CEP192: variants seen among roughly 807,000 people sequenced by gnomAD.
CEP192 encodes centrosomal protein 192.
Under a neutral mutation model 271.8 loss-of-function variants are expected in CEP192, and 151 were observed. That is an observed-to-expected ratio of 0.56 (90% CI 0.49 to 0.64). CEP192 has a LOEUF of 0.64. CEP192 is among the 30% of genes least tolerant of loss of function. The pLI is 0.00. For synonymous variants in CEP192, 995 were observed against 1,076.5 expected (o/e 0.92, Z 1.48); for missense variants, 2,910 against 3,020.5 (o/e 0.96, Z 0.86).
intron 39 of CEP192, chr18:13,103,967 G>C: frequency 4.7e-6 from 2 of 424,786 alleles, no homozygotes; most frequent in Non-Finnish European, 9.4e-6. Context: ...TGGGATTACA[G>C]GTGTGAGCTG....
At chr18:13,100,623 G>C in intron 38 of CEP192, 111 bp downstream of exon 38, 1 of 801,198 alleles carries the variant, frequency 1.2e-6, no homozygotes, top group Non-Finnish European at 2.0e-6. Flanking sequence ...TACTTCAGGA[G>C]AAAAGTGGTC....
chr18:12,993,549 C>A (rs1180132329), intron 1 of CEP192, among the ~76,000 whole-genome samples: 1 of 152,184 alleles, frequency 6.6e-6, no homozygotes, highest in Non-Finnish European at 1.5e-5. Flanking sequence ...CATGCATGGT[C>A]ATAGCTCACT....
At chr18:13,007,651 C>G in intron 3 of CEP192, among the ~76,000 whole-genome samples, 1 of 152,142 alleles carries the variant, frequency 6.6e-6, no homozygotes. Context: ...CCCATGAGTG[C>G]ACCTTTGGCT....
At chr18:13,051,229 C>T (rs1413851213) in intron 17 of CEP192, among the ~76,000 whole-genome samples, 1 of 152,146 alleles carries the variant, frequency 6.6e-6, no homozygotes, top group Admixed American at 6.5e-5. Flanking sequence ...TGTGTTCTTG[C>T]AGTTCAGTTT....
In CEP192 at chr18:13,116,237, G is replaced by A. The variant is rs547073115; in HGVS notation, c.7290-140G>A. Reference sequence around the variant, plus strand: ...CCTCTTCACATAAATTAGATAAGTCGTCATTACAAAACTTATATTTGAAAA... The same window carrying A: ...CCTCTTCACATAAATTAGATAAGTCATCATTACAAAACTTATATTTGAAAA... On this transcript the variant is annotated intron_variant, in intron 42 of 44. Coordinates refer to ENST00000506447, the MANE Select transcript of CEP192 (RefSeq NM_032142.4). 1.5e-4 allele frequency: 128 copies of A among 831,694 alleles called. No homozygotes were observed. The African/African-American group carries it at 1.7e-3, about 11-fold the overall frequency. The allele number at this position is 831,694 out of a possible 1,614,324, so 51.5% of individuals were successfully genotyped here.
chr18:13,047,521 T>C (rs2036549015), intron 15 of CEP192, among the ~76,000 whole-genome samples: 1 of 152,230 alleles, frequency 6.6e-6, no homozygotes, highest in Non-Finnish European at 1.5e-5. Context: ...CTTACCTCTC[T>C]GGGTTACTTT....
rs1474253153 is a variant in CEP192 at position 13,029,786 on chromosome 18, CAG to C, written c.1175_1176del (p.Gln392ArgfsTer9). On this transcript the variant is annotated frameshift_variant, in exon 10 of 45. Transcript: ENST00000506447. LOFTEE classifies it high-confidence loss of function. ...TTTTGATCTGACTGACCCTGTAAAA[CAG>C]GGGGCAGAGTGTCCTCACCAAAATA... The part of the protein sequence containing the change: ...GGFDLTDPVK[Q>X]GAECPHQNKT... The C allele has an allele frequency of 5.8e-6, 9 of 1,551,606 alleles. No individual in the cohort carries two copies. The highest frequency in any genetic ancestry group is 2.4e-5 in the East Asian group (1 of 40,910).
chr18:12,995,983 G>T (rs1482755182), intron 1 of CEP192, among the ~76,000 whole-genome samples: 1 of 152,218 alleles, frequency 6.6e-6, no homozygotes, highest in Non-Finnish European at 1.5e-5. Flanking sequence ...GATTATCTGG[G>T]CCCTGGTTGG....
rs778209597 is a variant in CEP192, at chr18:12,993,779, G to A, written c.-5+2342G>A. Among the ~76,000 whole-genome samples the A allele has an allele frequency of 9.1e-4, 138 of 152,126 alleles. 1 individual carries two copies. The highest frequency in any genetic ancestry group is 1.6e-3 in the Non-Finnish European group (112 of 68,034). ...CAGCCTCAGTTTCCTCAATAATAGG[G>A]ATGATGGCTACCTTACAAATTTGAC... On this transcript the variant is annotated intron_variant, in intron 1 of 44. Transcript: ENST00000506447.
intron 30 of CEP192, among the ~76,000 whole-genome samples, chr18:13,080,076 T>G (rs2038509612): frequency 6.6e-6 from 1 of 152,222 alleles, no homozygotes; most frequent in Non-Finnish European, 1.5e-5. Flanking sequence ...GCATGATGCC[T>G]CCAGCTTTGT....
intron 4 of CEP192, among the ~76,000 whole-genome samples, chr18:13,009,524 G>A (rs1162458259): frequency 6.6e-6 from 1 of 152,146 alleles, no homozygotes; most frequent in Non-Finnish European, 1.5e-5. Context: ...AATACTCAAG[G>A]ATAAGTCATT....
At chr18:13,092,337 G>C in intron 33 of CEP192, 40 bp from the exon 34 acceptor site, 2 of 1,386,110 alleles carry the variant, frequency 1.4e-6, no homozygotes, top group Non-Finnish European at 2.0e-6. Context: ...GTATGCTTGT[G>C]TGAACATTCA....
At chr18:13,029,530 C>CTGTG in intron 9 of CEP192, 133 bp from the exon 10 acceptor site, 1 of 622,442 alleles carries the variant, frequency 1.6e-6, no homozygotes, top group Non-Finnish European at 2.8e-6. Context: ...ACAGCGAATA[C>CTGTG]TGTGTGTTCT....
intron 36 of CEP192, among the ~76,000 whole-genome samples, chr18:13,096,680 A>T (rs1265220505): frequency 2.6e-5 from 4 of 152,176 alleles, no homozygotes; most frequent in African/African-American, 7.2e-5. Flanking sequence ...CCGAGCCCAA[A>T]CACTTCTGCC....
At chr18:13,025,246 T>C (rs2035226418) in intron 9 of CEP192, among the ~76,000 whole-genome samples, 1 of 151,976 alleles carries the variant, frequency 6.6e-6, no homozygotes, top group Non-Finnish European at 1.5e-5. Flanking sequence ...TGAGACAGGG[T>C]CTCTATGTTG....
At chr18:13,070,985 G>A in intron 27 of CEP192, 54 bp from the exon 28 acceptor site, 5 of 1,443,730 alleles carry the variant, frequency 3.5e-6, no homozygotes, top group Non-Finnish European at 4.8e-6. Flanking sequence ...ATAGGAAATA[G>A]TTGCGAAAAG....
intron 43 of CEP192, among the ~76,000 whole-genome samples, chr18:13,117,221 C>T (rs1411735506): frequency 6.6e-6 from 1 of 152,098 alleles, no homozygotes; most frequent in African/African-American, 2.4e-5. Flanking sequence ...CAAGACCCTG[C>T]CCCCATCCGC....
At chr18:12,992,811 G>T (rs534279612) in intron 1 of CEP192, among the ~76,000 whole-genome samples, 2 of 152,284 alleles carry the variant, frequency 1.3e-5, no homozygotes, top group Admixed American at 1.3e-4. Flanking sequence ...TCCCTGAGGG[G>T]AGCTGCCTTA....
chr18:13,093,172 CA>C (rs1014355822), intron 34 of CEP192, among the ~76,000 whole-genome samples: 1 of 151,794 alleles, frequency 6.6e-6, no homozygotes, highest in African/African-American at 2.4e-5. Flanking sequence ...CAAAACAAAA[CA>C]AAAAAACACT....
Sources: gnomAD v4.1 joint callset for allele counts (sites outside exome capture counted in the v4.1 genomes callset) on GRCh38, gnomAD v4.1.1 for gene constraint, MANE v1.5 for transcripts, NCBI Gene and HGNC (gene_info 2026-07-23, HGNC 2026-07-21) for gene names.